PCSK5: variants seen among roughly 807,000 people sequenced by gnomAD.
PCSK5 encodes proprotein convertase subtilisin/kexin type 5.
Under a neutral mutation model 233.2 loss-of-function variants are expected in PCSK5, and 129 were observed. The ratio of observed to expected loss-of-function variants is 0.55; its 90% CI spans 0.48 to 0.64. PCSK5 has a LOEUF of 0.64. Among genes scored for constraint, PCSK5 ranks in the 30% least tolerant of loss-of-function variants. PCSK5 has a pLI of 0.00. For synonymous variants in PCSK5, 825 were observed against 879.2 expected (o/e 0.94, Z 1.09); for missense variants, 2,076 against 2,430.1 (o/e 0.85, Z 3.06).
At chr9:75,997,304 G>T (rs893239034) in intron 3 of PCSK5, among the ~76,000 whole-genome samples, 2 of 152,156 alleles carry the variant, frequency 1.3e-5, no homozygotes, top group African/African-American at 4.8e-5. Flanking sequence ...AGTGAACTTG[G>T]CTAGGAAATT....
chr9:76,046,875 G>A (rs11144730), intron 5 of PCSK5, among the ~76,000 whole-genome samples: 1 of 151,972 alleles, frequency 6.6e-6, no homozygotes, highest in Non-Finnish European at 1.5e-5. Context: ...TAGTTCTTAA[G>A]TATTGCCCAG....
Position 76,159,136 on chromosome 9 carries a change from G to A in PCSK5, c.1584G>A (p.Ser528=), listed in dbSNP as rs376534939. 6 of 1,614,068 alleles carry A rather than the reference G, an allele frequency of 3.7e-6. No individual in the cohort carries two copies. The highest frequency in any genetic ancestry group is 1.3e-5 in the African/African-American group (1 of 75,022). ...GAGACCTGGCCATCTACCTGACCTC[G>A]CCCTCTGGAACTAGGTCTCAGCTTT... ...RRGDLAIYLT[S]PSGTRSQLLA... The change falls in exon 12 of 38, where the codon TCG becomes TCA. Residue 528 remains serine (S), a synonymous_variant. Transcript: ENST00000674117.
Position 76,189,085 on chromosome 9 carries a change from G to C in PCSK5, c.2381-9G>C. The C allele has an allele frequency of 6.2e-7, 1 of 1,611,212 alleles. No homozygotes were observed. The highest frequency in any genetic ancestry group is 8.5e-7 in the Non-Finnish European group (1 of 1,179,180). ...ATTTCTCGTTTCCTGTGTTTGTCTTGCTTTTAAGGGGCAGGAGCTGATGGG... is the reference window on the plus strand; with the variant it reads ...ATTTCTCGTTTCCTGTGTTTGTCTTCCTTTTAAGGGGCAGGAGCTGATGGG... On this transcript the variant is annotated splice_polypyrimidine_tract_variant and intron_variant, in intron 18 of 37. Coordinates refer to ENST00000674117, the MANE Select transcript of PCSK5 (RefSeq NM_001372043.1).
intron 24 of PCSK5, among the ~76,000 whole-genome samples, chr9:76,263,471 C>T (rs1276777300): frequency 6.6e-6 from 1 of 152,112 alleles, no homozygotes; most frequent in Non-Finnish European, 1.5e-5. Flanking sequence ...AGTTCGTGTC[C>T]TTTGTAGGGA....
chr9:76,158,964 C>G lies in PCSK5; in HGVS notation c.1431-19C>G. On this transcript the variant is annotated intron_variant, in intron 11 of 37. Coordinates refer to ENST00000674117, the MANE Select transcript of PCSK5 (RefSeq NM_001372043.1). ...CTGTGATGTCATTTGCTCAAACTCTCCATCTCTCTCTGTTACAGGACAATC... is the reference window on the plus strand; with the variant it reads ...CTGTGATGTCATTTGCTCAAACTCTGCATCTCTCTCTGTTACAGGACAATC... 1.2e-6 allele frequency: 2 copies of G among 1,605,734 alleles called. No homozygotes were observed. The highest frequency in any genetic ancestry group is 1.7e-6 in the Non-Finnish European group (2 of 1,173,280).
chr9:75,903,584 ATATAAAATATATAT>A (rs2131207045), intron 1 of PCSK5, among the ~76,000 whole-genome samples: 1 of 141,900 alleles, frequency 7.0e-6, no homozygotes, highest in Non-Finnish European at 1.5e-5. Flanking sequence ...GTATATATAT[ATATAAAATATATAT>A]TATATATATA....
At chr9:76,325,825 C>A (rs983914960) in intron 32 of PCSK5, among the ~76,000 whole-genome samples, 1 of 152,040 alleles carries the variant, frequency 6.6e-6, no homozygotes, top group Admixed American at 6.6e-5. Flanking sequence ...TTAGTAGAGA[C>A]AGAGTTTCTC....
chr9:76,087,796 A>G (rs968296176), intron 7 of PCSK5, among the ~76,000 whole-genome samples: 7 of 152,242 alleles, frequency 4.6e-5, no homozygotes, highest in African/African-American at 1.7e-4. Flanking sequence ...ACAGAAAATC[A>G]TAATACGGAC....
At chr9:76,131,406 G>A (rs2131740321) in intron 9 of PCSK5, among the ~76,000 whole-genome samples, 1 of 152,158 alleles carries the variant, frequency 6.6e-6, no homozygotes, top group Admixed American at 6.5e-5. Context: ...GTGAAATTCA[G>A]GAAATTTTCA....
At chr9:75,929,155 G>A (rs1823659727) in intron 1 of PCSK5, among the ~76,000 whole-genome samples, 1 of 152,070 alleles carries the variant, frequency 6.6e-6, no homozygotes, top group Admixed American at 6.6e-5. Context: ...GGATGGTCTT[G>A]ATCTCTTCAC....
At chr9:75,973,929 C>T (rs529766633) in intron 2 of PCSK5, among the ~76,000 whole-genome samples, 4 of 152,262 alleles carry the variant, frequency 2.6e-5, no homozygotes, top group Admixed American at 1.3e-4. Context: ...ATCATATTTC[C>T]GTGAACATTG....
intron 30 of PCSK5, among the ~76,000 whole-genome samples, chr9:76,318,847 TA>T (rs1330466339): frequency 6.6e-6 from 1 of 152,086 alleles, no homozygotes; most frequent in African/African-American, 2.4e-5. Context: ...ATTAATTGAA[TA>T]AAAAATATTT....
chr9:76,182,139 T>C (rs997095842), intron 16 of PCSK5, among the ~76,000 whole-genome samples: 14 of 152,168 alleles, frequency 9.2e-5, no homozygotes, highest in African/African-American at 3.1e-4. Flanking sequence ...GAGCCACTCT[T>C]TTCAGGGTAG....
intron 28 of PCSK5, among the ~76,000 whole-genome samples, chr9:76,307,488 G>T (rs952146863): frequency 1.3e-5 from 2 of 152,118 alleles, no homozygotes; most frequent in Non-Finnish European, 2.9e-5. Flanking sequence ...CATATGTATT[G>T]ACTGAGTGAT....
At position 75,932,497 on chromosome 9, in the gene PCSK5, G is replaced by C. The variant is rs750088924; in HGVS notation, c.297+14G>C. The stretch of plus-strand genomic sequence containing the variant: ...ATGGAACCAAAGGTAAGAAGAACCA[G>C]TTGCGTGGGGACCAAGAGGCAAAGC... On this transcript the variant is annotated intron_variant, in intron 2 of 37. Coordinates refer to ENST00000674117, the MANE Select transcript of PCSK5 (RefSeq NM_001372043.1). 1.4e-6 allele frequency: 2 copies of C among 1,458,816 alleles called. No homozygotes were observed. Among genetic ancestry groups the C allele is most frequent in the Non-Finnish European group, 1.9e-6 (2 of 1,038,228 alleles). The allele number at this position is 1,458,816 out of a possible 1,614,324, so 90.4% of individuals were successfully genotyped here. A position where few individuals can be genotyped will look rare whatever the true frequency, so the allele number is the denominator to read the frequency against.
chr9:76,181,076 G>T (rs1051515521), intron 15 of PCSK5, among the ~76,000 whole-genome samples: 5 of 152,130 alleles, frequency 3.3e-5, no homozygotes, highest in African/African-American at 1.2e-4. Flanking sequence ...ATAGAGTTGT[G>T]GTTCCCACAT....
intron 30 of PCSK5, among the ~76,000 whole-genome samples, chr9:76,315,639 C>G (rs950625566): frequency 1.6e-3 from 217 of 139,786 alleles, no homozygotes; most frequent in African/African-American, 5.7e-3. Flanking sequence ...GTGGAGAAGA[C>G]TACTTTTTTT....
At chr9:76,320,986 TG>T (rs1829184205) in intron 30 of PCSK5, among the ~76,000 whole-genome samples, 1 of 151,892 alleles carries the variant, frequency 6.6e-6, no homozygotes, top group Admixed American at 6.6e-5. Context: ...AGCTAATTTT[TG>T]TATTTTTTAG....
chr9:76,227,525 C>A lies in PCSK5; in HGVS notation c.2649C>A (p.Gly883=). 6.2e-7 allele frequency: 1 copy of A among 1,611,328 alleles called. No individual in the cohort carries two copies. The highest frequency in any genetic ancestry group is 1.3e-5 in the African/African-American group (1 of 75,018). Residue 883 remains glycine, a synonymous_variant, in exon 21 of 38, where the codon GGC becomes GGA. Transcript: ENST00000674117. The part of the protein sequence containing the change: ...CKDGEYVDEH[G]HCQTCEASCA... ...CAGGAGAATATGTTGATGAGCATGG[C>A]CACTGCCAGACCTGTGAGGCCTCAT... is the stretch of plus-strand genomic sequence containing the variant.
Sources: gnomAD v4.1 joint callset for allele counts (sites outside exome capture counted in the v4.1 genomes callset) on GRCh38, gnomAD v4.1.1 for gene constraint, MANE v1.5 for transcripts, NCBI Gene and HGNC (gene_info 2026-07-23, HGNC 2026-07-21) for gene names.